DLGAP2: variants seen among roughly 807,000 people sequenced by gnomAD.
The protein encoded by DLGAP2 is DLG associated protein 2, also known as disks large-associated protein 2.
DLGAP2 carries 26 observed loss-of-function variants against 100.3 expected under a neutral mutation model. That is an observed-to-expected ratio of 0.26 (90% CI 0.19 to 0.36). The LOEUF is 0.36. Ranked by LOEUF, DLGAP2 falls within the 10% of genes least tolerant of loss-of-function variation. DLGAP2 has a pLI of 1.00. For missense variants in DLGAP2, 1,858 were observed against 1,453.2 expected (o/e 1.28, Z -4.53); for synonymous variants, 886 against 630.1 (o/e 1.41, Z -6.08).
intron 2 of DLGAP2, among the ~76,000 whole-genome samples, chr8:911,089 G>A (rs1798475602): frequency 6.6e-6 from 1 of 152,058 alleles, no homozygotes; most frequent in East Asian, 1.9e-4. Context: ...CTGTTTTCTG[G>A]GGCAAAGTGA....
In DLGAP2 at chr8:1,694,916, C is replaced by T. The variant is rs550318962; in HGVS notation, c.2797-2231C>T. Among the ~76,000 whole-genome samples the T allele has an allele frequency of 5.3e-5, 8 of 152,252 alleles. No individual in the cohort carries two copies. In the East Asian group the frequency reaches 1.5e-3, roughly 29 times the overall value. ...GAATGTTCAGTGGATTCAGATGCAA[C>T]CACCTCCCCAACCAAAAGAGAACAG... On this transcript the variant is annotated intron_variant, in intron 13 of 14. Transcript: ENST00000637795.
chr8:809,388 T>C (rs559431497), intron 1 of DLGAP2, among the ~76,000 whole-genome samples: 68 of 152,292 alleles, frequency 4.5e-4, no homozygotes, highest in South Asian at 8.3e-4. Context: ...TTTATTTTGG[T>C]CTGAGTTTTG....
At chr8:1,042,303 GA>G (rs1306266696) in intron 2 of DLGAP2, among the ~76,000 whole-genome samples, 1 of 152,236 alleles carries the variant, frequency 6.6e-6, no homozygotes, top group African/African-American at 2.4e-5. Flanking sequence ...CATGATCCAT[GA>G]GGGAGAAAAT....
rs570579923 is a variant in DLGAP2, at chr8:1,075,432, G to A, written c.73+167466G>A. 5.3e-5 allele frequency among the ~76,000 whole-genome samples: 8 copies of A among 152,202 alleles called. No homozygotes were observed. In the South Asian group the frequency reaches 1.7e-3, roughly 32 times the overall value. On this transcript the variant is annotated intron_variant, in intron 2 of 14. Transcript: ENST00000637795. Reference sequence around the variant, plus strand: ...AGAGCCCCTTTGTCTCCTGCAATGGGCTTGTTTCTGTGGGTCTCTGGGGTG... The same window carrying A: ...AGAGCCCCTTTGTCTCCTGCAATGGACTTGTTTCTGTGGGTCTCTGGGGTG...
rs188163845 is a variant in DLGAP2, at chr8:1,549,759, C to T, written c.1230+76C>T. 5 of 1,376,574 alleles carry T rather than the reference C, an allele frequency of 3.6e-6. No individual in the cohort carries two copies. The African/African-American group carries it at 7.3e-5, about 20-fold the overall frequency. 85.3% of individuals were successfully genotyped at this position (1,376,574 alleles called of 1,614,324 possible). Reference sequence around the variant, plus strand: ...TTGTCGTTATTCCTTTTTTAATTGACAGATAACAACTGCATACACATTTAG... The same window carrying T: ...TTGTCGTTATTCCTTTTTTAATTGATAGATAACAACTGCATACACATTTAG... On this transcript the variant is annotated intron_variant, in intron 5 of 14. Coordinates refer to ENST00000637795, the MANE Select transcript of DLGAP2 (RefSeq NM_001346810.2).
intron 10 of DLGAP2, 46 bp from the exon 11 acceptor site, chr8:1,676,487 G>C (rs1193961179): frequency 9.5e-6 from 15 of 1,573,782 alleles, no homozygotes; most frequent in Non-Finnish European, 1.3e-5. Flanking sequence ...CCCTTGCCCA[G>C]GCCCCATGTT....
intron 2 of DLGAP2, among the ~76,000 whole-genome samples, chr8:1,066,442 C>T (rs116825094): frequency 0.019 from 2,727 of 146,998 alleles, 105 homozygotes; most frequent in African/African-American, 0.067. Context: ...AGGGCAGCTC[C>T]CCACCTTGGG....
chr8:811,373 A>C (rs1796366994), intron 1 of DLGAP2, among the ~76,000 whole-genome samples: 1 of 149,846 alleles, frequency 6.7e-6, no homozygotes, highest in Admixed American at 6.6e-5. Context: ...CCTTGGAATG[A>C]GCAGGAACTA....
intron 1 of DLGAP2, among the ~76,000 whole-genome samples, chr8:864,669 C>T (rs748344249): frequency 5.3e-5 from 8 of 152,106 alleles, no homozygotes; most frequent in Admixed American, 1.3e-4. Flanking sequence ...TGACAGTCAC[C>T]GGTGCACTTT....
chr8:1,541,968 G>T (rs1801376641), intron 4 of DLGAP2, among the ~76,000 whole-genome samples: 3 of 152,210 alleles, frequency 2.0e-5, no homozygotes, highest in Admixed American at 2.0e-4. Flanking sequence ...CAGGACCTTT[G>T]ATTATTGATT....
chr8:902,028 G>A (rs572850086), intron 1 of DLGAP2, among the ~76,000 whole-genome samples: 5 of 152,294 alleles, frequency 3.3e-5, no homozygotes, highest in South Asian at 4.1e-4. Context: ...ACCCAGGGGG[G>A]TTCCAAGCCA....
intron 6 of DLGAP2, among the ~76,000 whole-genome samples, chr8:1,598,494 T>C (rs569721351): frequency 6.6e-6 from 1 of 152,368 alleles, no homozygotes; most frequent in South Asian, 2.1e-4. Context: ...CATCTGATCC[T>C]GGGCTTTTTT....
intron 2 of DLGAP2, among the ~76,000 whole-genome samples, chr8:935,188 T>C (rs1799042250): frequency 1.3e-5 from 2 of 152,196 alleles, no homozygotes; most frequent in South Asian, 4.1e-4. Context: ...TCTGAGCGAC[T>C]CCACCATGGG....
At position 1,133,157 on chromosome 8, in the gene DLGAP2, T is replaced by A. The variant is rs140195675; in HGVS notation, c.74-125694T>A. ...AGCATTAGCTTCCTTGGCTATTGTT[T>A]TAGGTGATTACCTTCTTAACAAGCT... On this transcript the variant is annotated intron_variant, in intron 2 of 14. Transcript: ENST00000637795. 7.5e-3 allele frequency among the ~76,000 whole-genome samples: 1,136 copies of A among 152,288 alleles called. 15 individuals are homozygous for A. Among genetic ancestry groups the A allele is most frequent in the African/African-American group, 0.025 (1,056 of 41,552 alleles).
At chr8:1,588,315 A>G (rs546112638) in intron 6 of DLGAP2, among the ~76,000 whole-genome samples, 1 of 152,270 alleles carries the variant, frequency 6.6e-6, no homozygotes, top group South Asian at 2.1e-4. Flanking sequence ...ACAGAGCAAA[A>G]AAGAGTCCAA....
At chr8:1,208,312 A>C (rs1308984733) in intron 2 of DLGAP2, among the ~76,000 whole-genome samples, 1 of 152,176 alleles carries the variant, frequency 6.6e-6, no homozygotes, top group Non-Finnish European at 1.5e-5. Context: ...CCATTTGTTG[A>C]ATAGGGTGTC....
chr8:962,703 C>A (rs1165493070), intron 2 of DLGAP2, among the ~76,000 whole-genome samples: 2 of 152,128 alleles, frequency 1.3e-5, no homozygotes, highest in Non-Finnish European at 1.5e-5. Flanking sequence ...CAGAGTGGAA[C>A]CCTCCCTGGA....
At chr8:1,275,903 T>A (rs1304185874) in intron 3 of DLGAP2, among the ~76,000 whole-genome samples, 4 of 116,186 alleles carry the variant, frequency 3.4e-5, no homozygotes, top group African/African-American at 3.5e-5. Context: ...TATATAAATA[T>A]ATATAATATA....
chr8:1,215,048 C>A (rs556609144), intron 2 of DLGAP2, among the ~76,000 whole-genome samples: 6 of 152,196 alleles, frequency 3.9e-5, no homozygotes, highest in African/African-American at 1.2e-4. Flanking sequence ...AGTATAAGAA[C>A]ACAAAAGGGA....
Sources: gnomAD v4.1 joint callset for allele counts (sites outside exome capture counted in the v4.1 genomes callset) on GRCh38, gnomAD v4.1.1 for gene constraint, MANE v1.5 for transcripts, NCBI Gene and HGNC (gene_info 2026-07-23, HGNC 2026-07-21) for gene names.